The following INPP4B variants were observed in gnomAD, a reference collection of about 807,000 sequenced individuals.
INPP4B encodes inositol polyphosphate-4-phosphatase type II B.
In INPP4B, 55 loss-of-function variants were observed where a neutral mutation model predicts 122.5. The ratio of observed to expected loss-of-function variants is 0.45; its 90% CI spans 0.36 to 0.56. The LOEUF is 0.56. INPP4B is among the 20% of genes least tolerant of loss of function. The probability of loss-of-function intolerance (pLI) is 0.00; values close to 1 mark genes in which losing one functional copy is unlikely to be tolerated. For missense variants in INPP4B, 1,000 were observed against 1,097.7 expected, an observed-to-expected ratio of 0.91 and a Z score of 1.26; for synonymous variants, 403 against 388.7, an observed-to-expected ratio of 1.04 and a Z score of -0.43.
chr4:142,545,269 C>A (rs865797537), intron 2 of INPP4B, among the ~76,000 whole-genome samples: 12 of 152,100 alleles, frequency 7.9e-5, no homozygotes, highest in African/African-American at 2.9e-4. Flanking sequence ...ATGTGCTATG[C>A]ATTTATTTTG....
At chr4:142,655,440 C>T (rs1753942846) in intron 2 of INPP4B, among the ~76,000 whole-genome samples, 2 of 152,188 alleles carry the variant, frequency 1.3e-5, no homozygotes, top group Admixed American at 1.3e-4. Flanking sequence ...GTAAAAGGAT[C>T]ATCCATATGC....
intron 9 of INPP4B, among the ~76,000 whole-genome samples, chr4:142,284,621 G>A (rs1201907771): frequency 6.6e-6 from 1 of 152,086 alleles, no homozygotes; most frequent in Non-Finnish European, 1.5e-5. Flanking sequence ...AGAGGAAGAG[G>A]AGAGATATTT....
chr4:142,394,510 T>A (rs765923777), intron 7 of INPP4B, among the ~76,000 whole-genome samples: 5 of 152,178 alleles, frequency 3.3e-5, no homozygotes, highest in African/African-American at 4.8e-5. Flanking sequence ...CAATAGCCAT[T>A]CTAACAAGTG....
intron 7 of INPP4B, among the ~76,000 whole-genome samples, chr4:142,384,777 A>G (rs1795382918): frequency 6.6e-6 from 1 of 152,080 alleles, no homozygotes; most frequent in African/African-American, 2.4e-5. Flanking sequence ...TTACTTTGTC[A>G]CCCAGGTATT....
intron 2 of INPP4B, among the ~76,000 whole-genome samples, chr4:142,614,339 T>A (rs926818117): frequency 1.3e-5 from 2 of 152,112 alleles, no homozygotes; most frequent in African/African-American, 4.8e-5. Flanking sequence ...AATTTGATAA[T>A]CATATACAGA....
intron 2 of INPP4B, among the ~76,000 whole-genome samples, chr4:142,657,311 G>A (rs780598259): frequency 1.8e-4 from 27 of 152,164 alleles, no homozygotes; most frequent in Non-Finnish European, 3.8e-4. Context: ...CAGATGCAAG[G>A]TTTGTTAAGT....
Position 142,093,966 on chromosome 4 carries a change from C to T in INPP4B, c.2375-7710G>A, listed in dbSNP as rs1497136. 4.1e-3 allele frequency among the ~76,000 whole-genome samples: 621 copies of T among 152,236 alleles called. 13 individuals are homozygous for T. The highest frequency in any genetic ancestry group is 0.036 in the Admixed American group (557 of 15,296). On this transcript the variant is annotated intron_variant, in intron 23 of 25. Coordinates refer to ENST00000262992, the MANE Select transcript of INPP4B (RefSeq NM_001101669.3). ...TATATTAAAAATTCTTCAAAATTTC[C>T]TCAATCAACATTATACATTGGAGAC...
chr4:142,111,503 T>C lies in INPP4B; in HGVS notation c.2276+1039A>G, dbSNP rs529094630. Reference sequence around the variant, plus strand: ...CTGAGATTACAGGCACCCGCCACTATGCCCAGCTAATTTTTGTATTTTTAG... The same window carrying C: ...CTGAGATTACAGGCACCCGCCACTACGCCCAGCTAATTTTTGTATTTTTAG... On this transcript the variant is annotated intron_variant, in intron 22 of 25. Transcript: ENST00000262992. Among the ~76,000 whole-genome samples the C allele has an allele frequency of 3.8e-4, 58 of 151,916 alleles. 1 individual carries two copies. Among genetic ancestry groups the C allele is most frequent in the Non-Finnish European group, 7.2e-4 (49 of 67,956 alleles).
chr4:142,655,697 G>C (rs1753998553), intron 2 of INPP4B, among the ~76,000 whole-genome samples: 1 of 152,148 alleles, frequency 6.6e-6, no homozygotes, highest in Non-Finnish European at 1.5e-5. Flanking sequence ...ACATACTGTA[G>C]ATTACAAACT....
intron 2 of INPP4B, among the ~76,000 whole-genome samples, chr4:142,703,311 T>C (rs1208446278): frequency 6.6e-6 from 1 of 152,204 alleles, no homozygotes; most frequent in East Asian, 1.9e-4. Flanking sequence ...ATAAATAGTT[T>C]TCCATTTTTA....
intron 11 of INPP4B, among the ~76,000 whole-genome samples, chr4:142,240,880 C>G (rs1383204939): frequency 2.0e-5 from 3 of 151,998 alleles, no homozygotes; most frequent in African/African-American, 7.3e-5. Context: ...GTTCTCAACT[C>G]AAAATTCTTG....
intron 2 of INPP4B, among the ~76,000 whole-genome samples, chr4:142,676,412 T>G (rs1757786155): frequency 6.6e-6 from 1 of 152,172 alleles, no homozygotes; most frequent in South Asian, 2.1e-4. Flanking sequence ...ATGGCCATAC[T>G]GCCCAAAGTA....
intron 12 of INPP4B, among the ~76,000 whole-genome samples, chr4:142,226,625 G>A (rs1320892947): frequency 1.3e-5 from 2 of 152,122 alleles, no homozygotes; most frequent in Admixed American, 6.5e-5. Context: ...CAGATTTTGT[G>A]CGCCTGCAAC....
intron 1 of INPP4B, among the ~76,000 whole-genome samples, chr4:142,822,737 A>G (rs1347811722): frequency 6.6e-6 from 1 of 152,186 alleles, no homozygotes; most frequent in East Asian, 1.9e-4. Flanking sequence ...GTTACATGAA[A>G]AAAGTGACTC....
chr4:142,326,217 G>T (rs2099862202), intron 7 of INPP4B, among the ~76,000 whole-genome samples: 1 of 152,216 alleles, frequency 6.6e-6, no homozygotes, highest in Non-Finnish European at 1.5e-5. Context: ...GTCCGGTCCT[G>T]TGGACTTAAC....
At chr4:142,435,797 T>C (rs1238156930) in intron 3 of INPP4B, among the ~76,000 whole-genome samples, 2 of 152,170 alleles carry the variant, frequency 1.3e-5, no homozygotes, top group African/African-American at 2.4e-5. Context: ...TTCCCACTCA[T>C]GAACCCATGC....
intron 17 of INPP4B, among the ~76,000 whole-genome samples, chr4:142,158,178 T>G (rs1818210429): frequency 2.0e-5 from 3 of 152,066 alleles, no homozygotes; most frequent in South Asian, 2.1e-4. Context: ...TCTCTCTGTA[T>G]GTCAGCTATT....
At chr4:142,209,647 G>T (rs932573334) in intron 12 of INPP4B, among the ~76,000 whole-genome samples, 2 of 151,922 alleles carry the variant, frequency 1.3e-5, no homozygotes, top group African/African-American at 4.8e-5. Context: ...ACAAAACTTA[G>T]CCAGGTGTGG....
At chr4:142,810,684 T>C (rs1321695413) in intron 1 of INPP4B, among the ~76,000 whole-genome samples, 1 of 152,198 alleles carries the variant, frequency 6.6e-6, no homozygotes, top group African/African-American at 2.4e-5. Flanking sequence ...GTCACCTCAA[T>C]ATACAGTTGA....
Sources: gnomAD v4.1 joint callset for allele counts (sites outside exome capture counted in the v4.1 genomes callset) on GRCh38, gnomAD v4.1.1 for gene constraint, MANE v1.5 for transcripts, NCBI Gene and HGNC (gene_info 2026-07-23, HGNC 2026-07-21) for gene names.